Variants in NALCN observed in about 807,000 individuals in gnomAD.
NALCN encodes sodium leak channel NALCN.
NALCN carries 111 observed loss-of-function variants against 225.3 expected under a neutral mutation model. The ratio of observed to expected loss-of-function variants is 0.49; its 90% CI spans 0.42 to 0.58. The LOEUF is 0.58. NALCN is among the 20% of genes least tolerant of loss of function. The probability of loss-of-function intolerance (pLI) is 0.00; values close to 1 mark genes in which losing one functional copy is unlikely to be tolerated. For synonymous variants in NALCN, 764 were observed against 769.0 expected, an observed-to-expected ratio of 0.99 and a Z score of 0.11; for missense variants, 1,378 against 2,202.4, an observed-to-expected ratio of 0.63 and a Z score of 7.49.
At chr13:101,319,581 GA>G (rs1324353135) in intron 7 of NALCN, among the ~76,000 whole-genome samples, 21 of 152,090 alleles carry the variant, frequency 1.4e-4, no homozygotes, top group Admixed American at 1.0e-3. Flanking sequence ...ATTTTGAAGT[GA>G]TTTTTTTGGT....
intron 7 of NALCN, among the ~76,000 whole-genome samples, chr13:101,328,121 G>A (rs980820881): frequency 2.6e-5 from 4 of 152,180 alleles, no homozygotes; most frequent in Admixed American, 6.5e-5. Context: ...CTACAGCATT[G>A]CTTTAAGTCT....
chr13:101,302,578 C>T (rs910667005), intron 7 of NALCN, among the ~76,000 whole-genome samples: 5 of 151,864 alleles, frequency 3.3e-5, no homozygotes, highest in African/African-American at 7.3e-5. Context: ...ATTTGTATTA[C>T]GATAAATACC....
rs1173145037 is a variant in NALCN, at chr13:101,081,554, T to C, written c.3858A>G (p.Val1286=). The change falls in exon 34 of 44, where the codon GTA becomes GTG. Residue 1286 remains valine (V), a synonymous_variant. Transcript: ENST00000251127. The part of the protein sequence containing the change: ...YDLLVTSLGV[V]WVVLHFALLN... ...GGAGGGCAAAGTGAAGCACCACCCA[T>C]ACAACGCCAAGCGACGTCACCAGGA... 5 of 1,614,096 alleles carry C rather than the reference T, an allele frequency of 3.1e-6. No homozygotes were observed. The East Asian group carries it at 8.9e-5, about 29-fold the overall frequency.
chr13:101,287,201 T>C (rs545729177), intron 9 of NALCN, among the ~76,000 whole-genome samples: 7 of 152,336 alleles, frequency 4.6e-5, no homozygotes, highest in African/African-American at 1.7e-4. Context: ...GGATACATAT[T>C]GCCAAACGGT....
intron 13 of NALCN, among the ~76,000 whole-genome samples, chr13:101,204,675 CT>C (rs1317938754): frequency 6.6e-6 from 1 of 152,046 alleles, no homozygotes; most frequent in Non-Finnish European, 1.5e-5. Context: ...ACCAGCGAAT[CT>C]TTTTGCTAGT....
Position 101,143,189 on chromosome 13 carries a change from T to C in NALCN, c.2009A>G (p.Gln670Arg), listed in dbSNP as rs2037179919. 1 of 1,612,778 alleles carries C rather than the reference T, an allele frequency of 6.2e-7. No homozygotes were observed. Among genetic ancestry groups the C allele is most frequent in the Non-Finnish European group, 8.5e-7 (1 of 1,179,546 alleles). Reference protein sequence around the residue: ...ESFMKQFIDRQQQDTCCLLRS... With the variant: ...ESFMKQFIDRRQQDTCCLLRS... ...CAGGAGGCAACATGTGTCCTGTTGC[T>C]GGCGGTCAATAAACTGCTTCATAAA... The change falls in exon 17 of 44, where the codon CAG becomes CGG. Residue 670 changes from glutamine (Q) to arginine (R), a missense_variant. By Grantham distance (43) the Gln-to-Arg change is conservative. Coordinates refer to ENST00000251127, the MANE Select transcript of NALCN (RefSeq NM_052867.4).
chr13:101,244,434 C>T (rs2041834959), intron 11 of NALCN, among the ~76,000 whole-genome samples: 1 of 152,096 alleles, frequency 6.6e-6, no homozygotes, highest in Admixed American at 6.5e-5. Flanking sequence ...CACTAAAAGG[C>T]ACTAAAAGAT....
At chr13:101,212,531 C>T (rs535650966) in intron 13 of NALCN, among the ~76,000 whole-genome samples, 1 of 152,224 alleles carries the variant, frequency 6.6e-6, no homozygotes, top group Admixed American at 6.5e-5. Context: ...TGTCGGTATG[C>T]TTCCTAGCTG....
chr13:101,414,761 A>C (rs2047886229), intron 1 of NALCN, among the ~76,000 whole-genome samples: 1 of 152,350 alleles, frequency 6.6e-6, no homozygotes, highest in East Asian at 1.9e-4. Context: ...TTTATAAGAC[A>C]TGCTTTCTCC....
intron 1 of NALCN, among the ~76,000 whole-genome samples, chr13:101,413,344 T>C (rs2047841862): frequency 1.3e-5 from 2 of 152,080 alleles, no homozygotes; most frequent in Non-Finnish European, 2.9e-5. Flanking sequence ...TGGATATTTA[T>C]ACTGAAAAAC....
chr13:101,244,849 C>A (rs913835009), intron 11 of NALCN, among the ~76,000 whole-genome samples: 11 of 152,174 alleles, frequency 7.2e-5, no homozygotes, highest in Non-Finnish European at 7.3e-5. Context: ...GAGGCAAGCT[C>A]TAGTAACCAC....
intron 28 of NALCN, among the ~76,000 whole-genome samples, chr13:101,094,273 A>C (rs2034388087): frequency 6.6e-6 from 1 of 152,144 alleles, no homozygotes; most frequent in Non-Finnish European, 1.5e-5. Context: ...GGTGATGAGC[A>C]GCCTGGCCAC....
Position 101,054,798 on chromosome 13 carries a change from C to T in NALCN, c.*497G>A, listed in dbSNP as rs1464748000. 6.6e-6 allele frequency: 1 copy of T among 152,370 alleles called. No homozygotes were observed. Among genetic ancestry groups the T allele is most frequent in the African/African-American group, 2.4e-5 (1 of 41,446 alleles). 9.4% of individuals were successfully genotyped at this position (152,370 alleles called of 1,614,324 possible). A position where few individuals can be genotyped will look rare whatever the true frequency, so the allele number is the denominator to read the frequency against. On this transcript the variant is annotated 3_prime_UTR_variant, in exon 44 of 44. Transcript: ENST00000251127. ...AATCTGTAGTTTGTAAAACTACTATCATTTTAGCATAAGTTCAGTGCTGAC... is the reference window on the plus strand; with the variant it reads ...AATCTGTAGTTTGTAAAACTACTATTATTTTAGCATAAGTTCAGTGCTGAC...
intron 37 of NALCN, among the ~76,000 whole-genome samples, chr13:101,071,263 A>G (rs1210266004): frequency 3.5e-4 from 54 of 152,330 alleles, no homozygotes; most frequent in Admixed American, 3.3e-3. Flanking sequence ...CTAACAACAG[A>G]GTAAGTCTGT....
chr13:101,147,234 T>C lies in NALCN; in HGVS notation c.1840-2338A>G, dbSNP rs529403477. Among the ~76,000 whole-genome samples, 7 of 152,326 alleles carry C rather than the reference T, an allele frequency of 4.6e-5. No homozygotes were observed. The South Asian group carries it at 1.4e-3, about 32-fold the overall frequency. On this transcript the variant is annotated intron_variant, in intron 15 of 43. Transcript: ENST00000251127. ...TGGGTTCCTGCATTTCCTGCAGTGC[T>C]TTCTCCATCTGCTTCAGCTCTTTCT...
At chr13:101,103,025 C>T in intron 26 of NALCN, 147 bp downstream of exon 26, 1 of 868,678 alleles carries the variant, frequency 1.2e-6, no homozygotes, top group East Asian at 2.5e-5. Flanking sequence ...TTTGAAGGTG[C>T]ATTGTGTTTT....
chr13:101,181,024 C>T (rs2039191935), intron 14 of NALCN: 2 of 503,002 alleles, frequency 4.0e-6, no homozygotes, highest in South Asian at 2.9e-5. Flanking sequence ...AGTTCTGTAC[C>T]ATTTTGAAGC....
rs979960423 is a variant in NALCN, at chr13:101,189,390, T to C, written c.1764+2527A>G. 6.6e-5 allele frequency among the ~76,000 whole-genome samples: 10 copies of C among 152,298 alleles called. No homozygotes were observed. In the South Asian group the frequency reaches 2.1e-3, roughly 32 times the overall value. On this transcript the variant is annotated intron_variant, in intron 14 of 43. Coordinates refer to ENST00000251127, the MANE Select transcript of NALCN (RefSeq NM_052867.4). ...TATAAATTTAACATTTATTAATATA[T>C]GGCTTTAAATGCACAAACCGTCTTA... is the stretch of plus-strand genomic sequence containing the variant.
In NALCN at chr13:101,140,068, C is replaced by T. The variant is rs546560285; in HGVS notation, c.2118+3012G>A. 5.3e-5 allele frequency among the ~76,000 whole-genome samples: 8 copies of T among 152,254 alleles called. No individual in the cohort carries two copies. The East Asian group carries it at 1.2e-3, about 22-fold the overall frequency. On this transcript the variant is annotated intron_variant, in intron 17 of 43. Coordinates refer to ENST00000251127, the MANE Select transcript of NALCN (RefSeq NM_052867.4). ...AGTCTACTTTTCTGACAACCTAGAT[C>T]GAATCAAAGCTTTAAGAAAGCGTGG...
Sources: allele counts gnomAD v4.1 joint callset (sites outside exome capture counted in the v4.1 genomes callset), GRCh38; gene constraint gnomAD v4.1.1; transcripts MANE v1.5; gene names NCBI Gene and HGNC (gene_info 2026-07-23, HGNC 2026-07-21).